HECW2: variants seen among roughly 807,000 people sequenced by gnomAD.
The protein encoded by HECW2 is HECT, C2 and WW domain containing E3 ubiquitin protein ligase 2, also known as E3 ubiquitin-protein ligase HECW2.
Under a neutral mutation model 175.2 loss-of-function variants are expected in HECW2, and 61 were observed. The observed-to-expected ratio is 0.35, with a 90% CI of 0.28 to 0.43. The LOEUF is 0.43. HECW2 is among the 20% of genes least tolerant of loss of function. The pLI is 1.00. For synonymous variants in HECW2, 671 were observed against 731.0 expected (o/e 0.92, Z 1.32); for missense variants, 1,524 against 2,000.5 (o/e 0.76, Z 4.54).
At chr2:196,362,800 T>C (rs1363126931) in intron 2 of HECW2, among the ~76,000 whole-genome samples, 1 of 152,194 alleles carries the variant, frequency 6.6e-6, no homozygotes, top group East Asian at 1.9e-4. Flanking sequence ...AGAAAGGGGC[T>C]TTCTGAAGCT....
At chr2:196,573,375 A>AT (rs910579430) in intron 1 of HECW2, among the ~76,000 whole-genome samples, 9 of 151,756 alleles carry the variant, frequency 5.9e-5, no homozygotes, top group Admixed American at 2.6e-4. Flanking sequence ...AGTGTGCTTT[A>AT]TTTTTTTTAA....
At chr2:196,585,506 T>C (rs1438699921) in intron 1 of HECW2, among the ~76,000 whole-genome samples, 2 of 152,166 alleles carry the variant, frequency 1.3e-5, no homozygotes. Flanking sequence ...ATATCGGACA[T>C]TAGGATGAGT....
chr2:196,473,031 T>C (rs1004389244), intron 1 of HECW2, among the ~76,000 whole-genome samples: 2 of 152,234 alleles, frequency 1.3e-5, no homozygotes, highest in South Asian at 4.1e-4. Context: ...AATCTTGTCC[T>C]GGTTAATTGG....
chr2:196,410,660 T>C (rs1193133829), intron 2 of HECW2, among the ~76,000 whole-genome samples: 1 of 152,132 alleles, frequency 6.6e-6, no homozygotes, highest in Non-Finnish European at 1.5e-5. Context: ...ATTTTAAATC[T>C]AAAGACTAAA....
intron 1 of HECW2, among the ~76,000 whole-genome samples, chr2:196,500,483 G>A (rs1687542489): frequency 6.6e-6 from 1 of 152,124 alleles, no homozygotes; most frequent in Non-Finnish European, 1.5e-5. Flanking sequence ...AAGAGTAAAT[G>A]CTAAGTAATT....
intron 1 of HECW2, among the ~76,000 whole-genome samples, chr2:196,537,388 G>A (rs113191469): frequency 3.9e-5 from 6 of 152,100 alleles, no homozygotes; most frequent in African/African-American, 7.2e-5. Context: ...CCCAGAGACC[G>A]GCGAGCTACA....
At chr2:196,265,368 C>G (rs2105945486) in intron 17 of HECW2, among the ~76,000 whole-genome samples, 1 of 152,240 alleles carries the variant, frequency 6.6e-6, no homozygotes, top group Admixed American at 6.5e-5. Flanking sequence ...TGCTGTAGTT[C>G]TGGCTACTCA....
intron 14 of HECW2, among the ~76,000 whole-genome samples, chr2:196,281,495 G>A (rs1016286618): frequency 2.0e-5 from 3 of 151,466 alleles, no homozygotes; most frequent in Non-Finnish European, 4.4e-5. Flanking sequence ...AAAATTATCC[G>A]GGCATGTGGT....
rs1689109634 is a variant in HECW2, at chr2:196,257,527, C to T, written c.3419+296G>A. 1.3e-5 allele frequency among the ~76,000 whole-genome samples: 2 copies of T among 152,086 alleles called. 1 individual carries two copies. The highest frequency in any genetic ancestry group is 3.9e-4 in the East Asian group (2 of 5,188). On this transcript the variant is annotated intron_variant, in intron 18 of 28. Transcript: ENST00000644978. Reference sequence around the variant, plus strand: ...AACGGTGGATGCCTTGTTCAGATACCCTTCTGTTCCATTCTGTGAGTGGGA... The same window carrying T: ...AACGGTGGATGCCTTGTTCAGATACTCTTCTGTTCCATTCTGTGAGTGGGA...
intron 2 of HECW2, among the ~76,000 whole-genome samples, chr2:196,380,526 T>G (rs1652644928): frequency 6.6e-6 from 1 of 152,242 alleles, no homozygotes; most frequent in South Asian, 2.1e-4. Flanking sequence ...AAGTGCAGTG[T>G]TAAACAACTG....
intron 2 of HECW2, chr2:196,361,725 G>A: frequency 1.2e-6 from 1 of 866,588 alleles, no homozygotes; most frequent in South Asian, 5.3e-5. Context: ...CAAAGTGAAA[G>A]GCAGAGAAAA....
At position 196,541,183 on chromosome 2, in the gene HECW2, G is replaced by A. The variant is rs537572599; in HGVS notation, c.-36+52325C>T. Among the ~76,000 whole-genome samples the A allele has an allele frequency of 3.9e-5, 6 of 152,112 alleles. No homozygotes were observed. In the South Asian group the frequency reaches 1.0e-3, roughly 26 times the overall value. The stretch of plus-strand genomic sequence containing the variant: ...CTGTGCACCTCTGTACCTATCAGCT[G>A]GGTTGGCTGCCCCCAAAAGCCAACT... On this transcript the variant is annotated intron_variant, in intron 1 of 28. Coordinates refer to ENST00000644978, the MANE Select transcript of HECW2 (RefSeq NM_001348768.2).
chr2:196,447,211 GT>G (rs111898174), intron 1 of HECW2, among the ~76,000 whole-genome samples: 4 of 151,170 alleles, frequency 2.6e-5, no homozygotes, highest in East Asian at 1.9e-4. Context: ...TTTTCCAATT[GT>G]TTTTTTTTAA....
intron 8 of HECW2, 122 bp downstream of exon 8, chr2:196,320,217 G>T: frequency 1.5e-6 from 1 of 677,672 alleles, no homozygotes; most frequent in Non-Finnish European, 2.5e-6. Flanking sequence ...TTATTTGACA[G>T]CTATTTTACT....
intron 10 of HECW2, among the ~76,000 whole-genome samples, chr2:196,313,089 T>A (rs1398497350): frequency 1.3e-5 from 2 of 152,184 alleles, no homozygotes; most frequent in African/African-American, 4.8e-5. Context: ...TCATCTTGAA[T>A]CTAGGCCTAT....
At chr2:196,286,313 T>C (rs1368243160) in intron 14 of HECW2, among the ~76,000 whole-genome samples, 1 of 151,680 alleles carries the variant, frequency 6.6e-6, no homozygotes, top group Non-Finnish European at 1.5e-5. Flanking sequence ...TACCACATTT[T>C]AGGTGGAGTA....
chr2:196,592,020 T>C (rs117989878), intron 1 of HECW2, among the ~76,000 whole-genome samples: 4 of 152,128 alleles, frequency 2.6e-5, no homozygotes, highest in East Asian at 3.9e-4. Flanking sequence ...ATAGGAGAAA[T>C]AGTAAAAAGA....
At chr2:196,507,773 C>T (rs1265153617) in intron 1 of HECW2, among the ~76,000 whole-genome samples, 4 of 152,148 alleles carry the variant, frequency 2.6e-5, no homozygotes, top group Non-Finnish European at 4.4e-5. Context: ...ACAAAACAGT[C>T]ATGATTGGGA....
At chr2:196,455,870 T>C (rs1252280571) in intron 1 of HECW2, among the ~76,000 whole-genome samples, 3 of 150,872 alleles carry the variant, frequency 2.0e-5, no homozygotes, top group African/African-American at 7.4e-5. Flanking sequence ...TTAAATAATA[T>C]ATATGATATA....
Sources: allele counts gnomAD v4.1 joint callset (sites outside exome capture counted in the v4.1 genomes callset), GRCh38; gene constraint gnomAD v4.1.1; transcripts MANE v1.5; gene names NCBI Gene and HGNC (gene_info 2026-07-23, HGNC 2026-07-21).